Variants in DESI1 observed in about 807,000 individuals in gnomAD.
DESI1 encodes the protein PPPDE peptidase domain containing 2.
In DESI1, 17 loss-of-function variants were observed where a neutral mutation model predicts 22.4. The observed-to-expected ratio is 0.76, with a 90% CI of 0.52 to 1.14. DESI1 has a LOEUF of 1.14. Ranked by LOEUF, DESI1 falls within the 50% of genes most tolerant of loss-of-function variation. The probability of loss-of-function intolerance (pLI) is 0.00; values close to 1 mark genes in which losing one functional copy is unlikely to be tolerated. For synonymous variants in DESI1, 92 were observed against 84.2 expected, an observed-to-expected ratio of 1.09 and a Z score of -0.51; for missense variants, 177 against 208.9, an observed-to-expected ratio of 0.85 and a Z score of 0.94.
intron 1 of DESI1, among the ~76,000 whole-genome samples, chr22:41,615,081 G>A (rs1395364362): frequency 1.3e-5 from 2 of 149,986 alleles, no homozygotes; most frequent in Non-Finnish European, 3.0e-5. Flanking sequence ...GGCGGATCAC[G>A]AGGTCAGGAG....
intron 1 of DESI1, among the ~76,000 whole-genome samples, chr22:41,615,275 A>T (rs1357510182): frequency 8.0e-6 from 1 of 124,702 alleles, no homozygotes; most frequent in African/African-American, 3.9e-5. Context: ...TAAAAATTAA[A>T]AAAAAAAAAA....
At chr22:41,609,389 T>C (rs1448990365) in intron 1 of DESI1, among the ~76,000 whole-genome samples, 1 of 152,246 alleles carries the variant, frequency 6.6e-6, no homozygotes, top group East Asian at 1.9e-4. Context: ...AATGTTAATG[T>C]ATAGAAAGCT....
chr22:41,620,660 G>A lies in DESI1; in HGVS notation c.88+92C>T, dbSNP rs60831182. 2,114 of 1,270,682 alleles carry A rather than the reference G, an allele frequency of 1.7e-3. 29 individuals carry two copies. In the African/African-American group the frequency reaches 0.029, roughly 17 times the overall value. 78.7% of individuals were successfully genotyped at this position (1,270,682 alleles called of 1,614,324 possible). On this transcript the variant is annotated intron_variant, in intron 1 of 5. Transcript: ENST00000263256. ...CATCCTCCTGGCCATGTGTCTCCCC[G>A]TGAGTCGTGGCCCAAGTCTCCCCAC...
Position 41,620,877 on chromosome 22 carries a change from G to T in DESI1, c.-38C>A. ...CGACGGCGGCCACGACGGCCCTCGG[G>T]CACCCGGCAGCGGCTTGGACCTTCC... On this transcript the variant is annotated 5_prime_UTR_variant, in exon 1 of 6. Transcript: ENST00000263256. 1 of 1,582,142 alleles carries T rather than the reference G, an allele frequency of 6.3e-7. No individual in the cohort carries two copies. The highest frequency in any genetic ancestry group is 1.4e-5 in the African/African-American group (1 of 74,060).
chr22:41,607,970 T>C, intron 1 of DESI1, 109 bp from the exon 2 acceptor site: 1 of 1,220,898 alleles, frequency 8.2e-7, no homozygotes. Context: ...CATAAACCTC[T>C]TGAGGGACTT....
intron 1 of DESI1, among the ~76,000 whole-genome samples, chr22:41,612,823 T>C (rs1230268245): frequency 6.6e-6 from 1 of 150,736 alleles, no homozygotes; most frequent in Non-Finnish European, 1.5e-5. Flanking sequence ...ACTACTGGGC[T>C]CAAGTGATCC....
chr22:41,604,383 T>C (rs1337517922), intron 3 of DESI1, among the ~76,000 whole-genome samples: 1 of 151,738 alleles, frequency 6.6e-6, no homozygotes, highest in East Asian at 1.9e-4. Context: ...GTAGCTGAGA[T>C]TACAGGTGCC....
intron 3 of DESI1, 77 bp downstream of exon 3, chr22:41,607,185 T>C: frequency 1.4e-6 from 2 of 1,384,502 alleles, no homozygotes; most frequent in South Asian, 3.0e-5. Context: ...AAGTCCATAG[T>C]AGAAGCAAAG....
Position 41,601,147 on chromosome 22 carries a change from T to G in DESI1, c.457A>C (p.Ile153Leu), listed in dbSNP as rs749077504. ...ACGGAGCTCCCTCCTGGAGGCTGGA[T>G]CTGAATGGAGTCCAGGAGGGGCCGA... ...ALRPLLDSIQ[I>L]QPPGGSSVGR... The change falls in exon 6 of 6, where the codon ATC (isoleucine) becomes CTC (leucine). Residue 153 changes from isoleucine (I) to leucine (L), a missense_variant. By Grantham distance (5) the Ile-to-Leu change is conservative. Coordinates refer to ENST00000263256, the MANE Select transcript of DESI1 (RefSeq NM_015704.3). 6.2e-7 allele frequency: 1 copy of G among 1,613,342 alleles called. No individual in the cohort carries two copies. The highest frequency in any genetic ancestry group is 8.5e-7 in the Non-Finnish European group (1 of 1,179,816).
Position 41,621,012 on chromosome 22 carries a change from A to G in DESI1, c.-173T>C. On this transcript the variant is annotated 5_prime_UTR_variant, in exon 1 of 6. Coordinates refer to ENST00000263256, the MANE Select transcript of DESI1 (RefSeq NM_015704.3). ...CGCTGCTCGCGCCCCCACACCCGCT[A>G]CCGGCAACGACTACTGTGAGGTGAC... The G allele has an allele frequency of 1.6e-6, 1 of 641,644 alleles. No individual in the cohort carries two copies. The allele number at this position is 641,644 out of a possible 1,614,324, so 39.7% of individuals were successfully genotyped here. A position where few individuals can be genotyped will look rare whatever the true frequency, so the allele number is the denominator to read the frequency against.
At position 41,612,874 on chromosome 22, in the gene DESI1, C is replaced by G. The variant is rs2067526977; in HGVS notation, c.89-5013G>C. Among the ~76,000 whole-genome samples the G allele has an allele frequency of 2.6e-5, 4 of 151,936 alleles. No individual in the cohort carries two copies. The South Asian group carries it at 8.3e-4, about 32-fold the overall frequency. ...TGAGCCACCAGGCCCAGCTTTGAGC[C>G]AAGATTTAAAGGAGGCAAGGGAAAG... On this transcript the variant is annotated intron_variant, in intron 1 of 5. Transcript: ENST00000263256.
intron 1 of DESI1, among the ~76,000 whole-genome samples, chr22:41,615,314 C>T (rs1245377696): frequency 2.0e-5 from 3 of 148,986 alleles, no homozygotes; most frequent in East Asian, 2.0e-4. Context: ...GGCACGGTGG[C>T]GGGCGCCTGT....
intron 1 of DESI1, among the ~76,000 whole-genome samples, chr22:41,610,304 G>A (rs2067509301): frequency 6.7e-6 from 1 of 150,054 alleles, no homozygotes; most frequent in South Asian, 2.1e-4. Context: ...GTTTGAACCT[G>A]GGAGGTGGAG....
chr22:41,615,746 C>T, intron 1 of DESI1, among the ~76,000 whole-genome samples: 1 of 152,224 alleles, frequency 6.6e-6, no homozygotes, highest in East Asian at 1.9e-4. Context: ...AGTCCTTGCC[C>T]TCCAGGAGCT....
intron 1 of DESI1, among the ~76,000 whole-genome samples, chr22:41,611,806 T>C (rs1022362638): frequency 6.6e-6 from 1 of 152,028 alleles, no homozygotes; most frequent in African/African-American, 2.4e-5. Context: ...TTGGCCAGGC[T>C]GGTCTTAAAC....
intron 1 of DESI1, 148 bp from the exon 2 acceptor site, chr22:41,608,009 G>A: frequency 1.3e-6 from 1 of 766,404 alleles, no homozygotes; most frequent in Middle Eastern, 2.4e-4. Context: ...CTCCAGTAAG[G>A]TCTTTAGGTT....
intron 3 of DESI1, 177 bp from the exon 4 acceptor site, chr22:41,604,330 C>T (rs1569065933): frequency 2.1e-6 from 1 of 487,682 alleles, no homozygotes. Context: ...ACTGCAACCT[C>T]CGCCTCCCGG....
rs1337820230 is a variant in DESI1, at chr22:41,620,756, C to A, written c.84G>T (p.Met28Ile). 4 of 1,609,780 alleles carry A rather than the reference C, an allele frequency of 2.5e-6. No homozygotes were observed. The highest frequency in any genetic ancestry group is 1.7e-4 in the Middle Eastern group (1 of 6,050). ...KGLARRLSPI[M>I]LGKQLEGIWH... is the part of the protein sequence containing the mutation. ...ACCTGGCCCCTTCCCCCTCACCCAG[C>A]ATGATGGGGCTGAGCCGCCGGGCCA... The change falls in exon 1 of 6, where the codon ATG becomes ATT. Residue 28 changes from methionine to isoleucine, a missense_variant. Transcript: ENST00000263256.
chr22:41,609,022 A>G (rs1256265497), intron 1 of DESI1, among the ~76,000 whole-genome samples: 1 of 151,906 alleles, frequency 6.6e-6, no homozygotes, highest in Non-Finnish European at 1.5e-5. Flanking sequence ...GCTCATTGCA[A>G]CCTCTGCCCC....
Sources: gnomAD v4.1 joint callset for allele counts (sites outside exome capture counted in the v4.1 genomes callset) on GRCh38, gnomAD v4.1.1 for gene constraint, MANE v1.5 for transcripts, NCBI Gene and HGNC (gene_info 2026-07-23, HGNC 2026-07-21) for gene names.